The following KIF13B variants were observed in gnomAD, a reference collection of about 807,000 sequenced individuals.
KIF13B encodes the protein kinesin-like protein KIF13B.
A neutral mutation model predicts 222.0 loss-of-function variants in KIF13B; 127 were observed. The ratio of observed to expected loss-of-function variants is 0.57; its 90% confidence interval spans 0.50 to 0.66. The LOEUF (loss-of-function observed/expected upper bound fraction) is 0.66. Ranked by LOEUF, KIF13B falls within the 30% of genes least tolerant of loss-of-function variation. The pLI is 0.00. For missense variants in KIF13B, 2,173 were observed against 2,379.0 expected (o/e 0.91, Z 1.80); for synonymous variants, 976 against 919.0 (o/e 1.06, Z -1.12).
At chr8:29,249,507 A>G (rs1438322408) in intron 1 of KIF13B, among the ~76,000 whole-genome samples, 1 of 152,064 alleles carries the variant, frequency 6.6e-6, no homozygotes, top group Non-Finnish European at 1.5e-5. Context: ...TGTACTTCCT[A>G]AAGAACCTTG....
Position 29,245,455 on chromosome 8 carries a change from C to T in KIF13B, c.56-16G>A. ...AAGTCAGTCTCTGTGGATAAAAAAA[C>T]AAGAAAAACAGTCATTTTAAAAAGT... On this transcript the variant is annotated splice_polypyrimidine_tract_variant and intron_variant, in intron 1 of 39. Transcript: ENST00000524189. 6.6e-7 allele frequency: 1 copy of T among 1,519,632 alleles called. No individual in the cohort carries two copies. Among genetic ancestry groups the T allele is most frequent in the South Asian group, 1.2e-5 (1 of 80,684 alleles). 94.1% of individuals were successfully genotyped at this position (1,519,632 alleles called of 1,614,324 possible). A position where few individuals can be genotyped will look rare whatever the true frequency, so the allele number is the denominator to read the frequency against.
intron 37 of KIF13B, among the ~76,000 whole-genome samples, chr8:29,089,799 C>A (rs575362767): frequency 6.7e-6 from 1 of 148,674 alleles, no homozygotes; most frequent in Non-Finnish European, 1.5e-5. Context: ...GAGGAGGAGG[C>A]AGAAGAATCC....
intron 38 of KIF13B, among the ~76,000 whole-genome samples, chr8:29,073,185 C>A (rs1807394449): frequency 6.7e-6 from 1 of 149,588 alleles, no homozygotes. Context: ...CAAAGGCTCC[C>A]TGTGGGCCGT....
intron 30 of KIF13B, 93 bp from the exon 31 acceptor site, chr8:29,117,100 C>A: frequency 1.8e-6 from 2 of 1,126,090 alleles, no homozygotes; most frequent in South Asian, 3.3e-5. Context: ...GCTGAAAGGG[C>A]ACATGCCAGT....
Position 29,110,159 on chromosome 8 carries a change from T to A in KIF13B, c.3931-89A>T, listed in dbSNP as rs115037161. ...TGCACACACAGACACACAGAACGTA[T>A]TCCAAAATTCCATTTTAAAGTCAGC... On this transcript the variant is annotated intron_variant, in intron 32 of 39. Coordinates refer to ENST00000524189, the MANE Select transcript of KIF13B (RefSeq NM_015254.4). The A allele has an allele frequency of 9.3e-4, 1,057 of 1,133,834 alleles. 2 individuals carry two copies. The African/African-American group carries it at 0.014, about 15-fold the overall frequency. The allele number at this position is 1,133,834 out of a possible 1,614,324, so 70.2% of individuals were successfully genotyped here.
chr8:29,239,075 G>A lies in KIF13B; in HGVS notation c.149+6271C>T, dbSNP rs553100611. Among the ~76,000 whole-genome samples, 9 of 152,150 alleles carry A rather than the reference G, an allele frequency of 5.9e-5. No individual in the cohort carries two copies. In the South Asian group the frequency reaches 1.7e-3, roughly 28 times the overall value. On this transcript the variant is annotated intron_variant, in intron 2 of 39. Coordinates refer to ENST00000524189, the MANE Select transcript of KIF13B (RefSeq NM_015254.4). ...CATACAAAACAAAACAGAAAAGAAA[G>A]AAAGACAGGATAAACTCTAGGCTGA...
At chr8:29,163,348 G>C (rs1236079965) in intron 12 of KIF13B, among the ~76,000 whole-genome samples, 2 of 152,164 alleles carry the variant, frequency 1.3e-5, no homozygotes, top group South Asian at 4.1e-4. Context: ...TCTGTGGTAG[G>C]GCCATCCGAG....
intron 14 of KIF13B, among the ~76,000 whole-genome samples, chr8:29,154,694 C>T (rs1025401194): frequency 2.0e-5 from 3 of 152,106 alleles, no homozygotes; most frequent in Non-Finnish European, 4.4e-5. Context: ...TTAAACGCAA[C>T]GATGACGTGG....
intron 2 of KIF13B, among the ~76,000 whole-genome samples, chr8:29,223,992 A>C (rs1814892888): frequency 1.6e-5 from 2 of 126,002 alleles, no homozygotes; most frequent in African/African-American, 3.1e-5. Context: ...CGCCCAGCCT[A>C]CCAATTTTTT....
chr8:29,099,360 G>A, intron 35 of KIF13B, 119 bp from the exon 36 acceptor site: 1 of 686,076 alleles, frequency 1.5e-6, no homozygotes, highest in Non-Finnish European at 2.5e-6. Flanking sequence ...TTGAATATAA[G>A]CTTGATTACA....
At chr8:29,078,414 T>A (rs1807666789) in intron 37 of KIF13B, among the ~76,000 whole-genome samples, 1 of 152,104 alleles carries the variant, frequency 6.6e-6, no homozygotes, top group Admixed American at 6.5e-5. Flanking sequence ...TTCAGCAACC[T>A]TTTTAAGGAT....
At chr8:29,092,378 T>C (rs904897790) in intron 37 of KIF13B, among the ~76,000 whole-genome samples, 2 of 152,212 alleles carry the variant, frequency 1.3e-5, no homozygotes, top group African/African-American at 4.8e-5. Flanking sequence ...GATATAAAAT[T>C]GTTTGAAAAA....
At position 29,184,040 on chromosome 8, in the gene KIF13B, C is replaced by T. The variant is rs564120920; in HGVS notation, c.498-2034G>A. Among the ~76,000 whole-genome samples, 8 of 152,242 alleles carry T rather than the reference C, an allele frequency of 5.3e-5. No homozygotes were observed. In the South Asian group the frequency reaches 1.2e-3, roughly 24 times the overall value. Reference sequence around the variant, plus strand: ...CTAGGATCAACCATTAAAAATGTCACTTATTACCATGTAACTGGATAAAGT... The same window carrying T: ...CTAGGATCAACCATTAAAAATGTCATTTATTACCATGTAACTGGATAAAGT... On this transcript the variant is annotated intron_variant, in intron 6 of 39. Coordinates refer to ENST00000524189, the MANE Select transcript of KIF13B (RefSeq NM_015254.4).
intron 14 of KIF13B, among the ~76,000 whole-genome samples, chr8:29,155,198 T>C (rs1039326159): frequency 2.6e-5 from 4 of 152,090 alleles, no homozygotes; most frequent in African/African-American, 9.7e-5. Context: ...GCTCATGGTC[T>C]AATGGGGTAA....
chr8:29,206,737 GA>G (rs1813960923), intron 2 of KIF13B, among the ~76,000 whole-genome samples: 1 of 152,172 alleles, frequency 6.6e-6, no homozygotes, highest in South Asian at 2.1e-4. Context: ...TGCCCTGCAA[GA>G]GCTTAAATTA....
chr8:29,114,560 G>C (rs1809508737), intron 31 of KIF13B, among the ~76,000 whole-genome samples: 1 of 152,088 alleles, frequency 6.6e-6, no homozygotes, highest in Admixed American at 6.5e-5. Flanking sequence ...TTTTCCATTT[G>C]TATGGAATTA....
In KIF13B at chr8:29,130,681, A is replaced by T. The variant is rs961609219; in HGVS notation, c.2943-16T>A. 6.2e-7 allele frequency: 1 copy of T among 1,613,414 alleles called. No individual in the cohort carries two copies. Among genetic ancestry groups the T allele is most frequent in the South Asian group, 1.1e-5 (1 of 91,068 alleles). ...TTCACTCCATCTAGGAAATAAGCGAAGTTCTTGGAAAATCATACATTTCTA... is the reference window on the plus strand; with the variant it reads ...TTCACTCCATCTAGGAAATAAGCGATGTTCTTGGAAAATCATACATTTCTA... On this transcript the variant is annotated splice_polypyrimidine_tract_variant and intron_variant, in intron 23 of 39. Transcript: ENST00000524189.
chr8:29,231,828 A>T (rs1815298584), intron 2 of KIF13B, among the ~76,000 whole-genome samples: 1 of 152,200 alleles, frequency 6.6e-6, no homozygotes, highest in African/African-American at 2.4e-5. Flanking sequence ...TAAACAAAAC[A>T]AAGAACTCCA....
chr8:29,073,090 T>G (rs77221248), intron 38 of KIF13B, among the ~76,000 whole-genome samples: 4,037 of 30,602 alleles, frequency 0.13, 458 homozygotes, highest in Middle Eastern at 0.22. Context: ...CGAGGAGGGG[T>G]ATGAGGAGGG....
Sources: gnomAD v4.1 joint callset for allele counts (sites outside exome capture counted in the v4.1 genomes callset) on GRCh38, gnomAD v4.1.1 for gene constraint, MANE v1.5 for transcripts, NCBI Gene and HGNC (gene_info 2026-07-23, HGNC 2026-07-21) for gene names.